The following BBS1 variants were observed in gnomAD, a reference collection of about 807,000 sequenced individuals.
BBS1 encodes BBSome complex member BBS1.
Under a neutral mutation model 73.9 loss-of-function variants are expected in BBS1, and 60 were observed. The observed-to-expected ratio is 0.81, with a 90% CI of 0.66 to 1.01. The LOEUF is 1.01. Ranked by LOEUF, BBS1 falls within the 50% of genes least tolerant of loss-of-function variation. BBS1 has a pLI of 0.00. For synonymous variants in BBS1, 283 were observed against 317.4 expected (o/e 0.89, Z 1.15); for missense variants, 718 against 770.3 (o/e 0.93, Z 0.80).
At position 66,514,450 on chromosome 11, in the gene BBS1, G is replaced by A. The variant is rs11553180; in HGVS notation, c.204G>A (p.Leu68=). ...GCCCTGGTGGGCAGCAGCCCCGCCTGAAGGTGCTCAAAGGACCACTGGTGA... is the reference window on the plus strand; with the variant it reads ...GCCCTGGTGGGCAGCAGCCCCGCCTAAAGGTGCTCAAAGGACCACTGGTGA... ...DLGPGGQQPR[L]KVLKGPLVMT... The change falls in exon 4 of 17, where the codon CTG becomes CTA. Residue 68 remains leucine (L), a synonymous_variant. Coordinates refer to ENST00000318312, the MANE Select transcript of BBS1 (RefSeq NM_024649.5). 1 of 1,614,172 alleles carries A rather than the reference G, an allele frequency of 6.2e-7. No individual in the cohort carries two copies. Among genetic ancestry groups the A allele is most frequent in the Non-Finnish European group, 8.5e-7 (1 of 1,180,040 alleles).
intron 7 of BBS1, 49 bp from the exon 8 acceptor site, chr11:66,519,568 G>A (rs765548860): frequency 3.1e-6 from 5 of 1,611,868 alleles, no homozygotes; most frequent in Non-Finnish European, 4.2e-6. Flanking sequence ...GAGTATCTTG[G>A]GGGTGGTGTG....
intron 7 of BBS1, among the ~76,000 whole-genome samples, chr11:66,517,941 C>T (rs1482172065): frequency 4.1e-5 from 6 of 146,054 alleles, no homozygotes; most frequent in East Asian, 2.0e-4. Flanking sequence ...ATTATACTAA[C>T]GTCACTTTTT....
chr11:66,522,605 C>T (rs1383011530), intron 9 of BBS1, among the ~76,000 whole-genome samples: 1 of 152,128 alleles, frequency 6.6e-6, no homozygotes, highest in Non-Finnish European at 1.5e-5. Flanking sequence ...CTCGGCCTCC[C>T]AAAGTGCCGG....
At chr11:66,526,052 C>A in intron 11 of BBS1, 71 bp from the exon 12 acceptor site, 2 of 1,412,590 alleles carry the variant, frequency 1.4e-6, no homozygotes, top group South Asian at 1.2e-5. Flanking sequence ...CTGGGGCCTC[C>A]CCTACCCATC....
In BBS1 at chr11:66,532,116, C is replaced by T. The variant is rs571728984; in HGVS notation, c.*79C>T. On this transcript the variant is annotated 3_prime_UTR_variant, in exon 17 of 17. Coordinates refer to ENST00000318312, the MANE Select transcript of BBS1 (RefSeq NM_024649.5). The stretch of plus-strand genomic sequence containing the variant: ...GTTTAGTGGCCCCAGGCCCACTCCT[C>T]ATGCAGCAGTGTGCTGGGGCGACAG... 6.0e-5 allele frequency: 86 copies of T among 1,429,592 alleles called. No homozygotes were observed. The highest frequency in any genetic ancestry group is 5.3e-4 in the South Asian group (42 of 79,984). The allele number at this position is 1,429,592 out of a possible 1,614,324, so 88.6% of individuals were successfully genotyped here. A position where few individuals can be genotyped will look rare whatever the true frequency, so the allele number is the denominator to read the frequency against.
rs550508776 is a variant in BBS1 at position 66,521,341 on chromosome 11, G to C, written c.795G>C (p.Ala265=). The change falls in exon 9 of 17, where the codon GCG becomes GCC. Residue 265 remains alanine (A), a synonymous_variant. Coordinates refer to ENST00000318312, the MANE Select transcript of BBS1 (RefSeq NM_024649.5). ...GQFDVEFRLA[A]ACRNGNIYIL... is the part of the protein sequence containing the mutation. ...TTGATGTTGAGTTCCGGCTTGCCGCGGCCTGCCGCAATGGAAACATCTATA... is the reference window on the plus strand; with the variant it reads ...TTGATGTTGAGTTCCGGCTTGCCGCCGCCTGCCGCAATGGAAACATCTATA... 6.2e-7 allele frequency: 1 copy of C among 1,614,186 alleles called. No homozygotes were observed. Among genetic ancestry groups the C allele is most frequent in the Admixed American group, 1.7e-5 (1 of 60,024 alleles).
chr11:66,523,792 C>G lies in BBS1; in HGVS notation c.1020C>G (p.Ser340=), dbSNP rs35209408. 8.1e-4 allele frequency: 1,311 copies of G among 1,613,526 alleles called. 10 individuals carry two copies. The African/African-American group carries it at 0.016, about 19-fold the overall frequency. ...ILTMNLLEQH[S]RGLQAVMAGL... Reference sequence around the variant, plus strand: ...CCATGAACCTCCTGGAGCAGCATTCCCGGGGCCTGCAGGCCGTCATGGCTG... The same window carrying G: ...CCATGAACCTCCTGGAGCAGCATTCGCGGGGCCTGCAGGCCGTCATGGCTG... The change falls in exon 11 of 17, where the codon TCC becomes TCG. Residue 340 remains serine (S), a synonymous_variant. Coordinates refer to ENST00000318312, the MANE Select transcript of BBS1 (RefSeq NM_024649.5).
In BBS1 at chr11:66,519,766, C is replaced by G; in HGVS notation, c.723+18C>G. On this transcript the variant is annotated intron_variant, in intron 8 of 16. Coordinates refer to ENST00000318312, the MANE Select transcript of BBS1 (RefSeq NM_024649.5). The stretch of plus-strand genomic sequence containing the variant: ...TAGCCAAGGTCAGCGTCAGGTCTGG[C>G]CCTGGGCCCGCTGGAGGCCCAGGCT... 6.2e-7 allele frequency: 1 copy of G among 1,612,132 alleles called. No individual in the cohort carries two copies. The highest frequency in any genetic ancestry group is 1.1e-5 in the South Asian group (1 of 91,050).
At chr11:66,524,398 C>A in intron 11 of BBS1, 1 of 214,142 alleles carries the variant, frequency 4.7e-6, no homozygotes, top group Non-Finnish European at 9.5e-6. Context: ...AAGGTAACAG[C>A]CAGCCAGAGA....
chr11:66,513,467 AAGACACAGCT>A (rs1855990678), intron 3 of BBS1, among the ~76,000 whole-genome samples: 1 of 152,160 alleles, frequency 6.6e-6, no homozygotes, highest in Non-Finnish European at 1.5e-5. Flanking sequence ...TAACTTCTCT[AAGACACAGCT>A]TCCTCATTTG....
chr11:66,527,092 T>C, intron 13 of BBS1: 1 of 1,417,512 alleles, frequency 7.1e-7, no homozygotes, highest in South Asian at 1.2e-5. Flanking sequence ...AAAGTAGAAT[T>C]TTGACTGGGC....
At chr11:66,526,318 A>G in intron 12 of BBS1, 126 bp downstream of exon 12, 1 of 967,280 alleles carries the variant, frequency 1.0e-6, no homozygotes, top group Non-Finnish European at 1.6e-6. Context: ...TAAGGCCTAC[A>G]GAAGTGTCCT....
intron 7 of BBS1, among the ~76,000 whole-genome samples, chr11:66,519,317 G>C (rs1248574467): frequency 6.6e-6 from 1 of 152,130 alleles, no homozygotes; most frequent in Non-Finnish European, 1.5e-5. Flanking sequence ...GTTGCAGTGA[G>C]CCGAGATTGT....
At chr11:66,523,262 G>A (rs1206677277) in intron 9 of BBS1, 194 bp from the exon 10 acceptor site, 1 of 746,744 alleles carries the variant, frequency 1.3e-6, no homozygotes, top group Non-Finnish European at 2.3e-6. Flanking sequence ...AGTGAAGGTG[G>A]GAGGAAGACA....
rs373722674 is a variant in BBS1 at position 66,510,771 on chromosome 11, G to A, written c.47+65G>A. On this transcript the variant is annotated intron_variant, in intron 1 of 16. Coordinates refer to ENST00000318312, the MANE Select transcript of BBS1 (RefSeq NM_024649.5). Reference sequence around the variant, plus strand: ...GTAAAGAGGGTCCCTTGGTCCCCGGGCTCTGGGCTCCTGCTGTTCTCGGGC... The same window carrying A: ...GTAAAGAGGGTCCCTTGGTCCCCGGACTCTGGGCTCCTGCTGTTCTCGGGC... 45 of 1,601,496 alleles carry A rather than the reference G, an allele frequency of 2.8e-5. 1 individual carries two copies. The African/African-American group carries it at 5.1e-4, about 18-fold the overall frequency.
In BBS1 at chr11:66,529,969, G is replaced by T; in HGVS notation, c.1473+17G>T. The T allele has an allele frequency of 6.3e-7, 1 of 1,594,874 alleles. No individual in the cohort carries two copies. The highest frequency in any genetic ancestry group is 2.3e-5 in the East Asian group (1 of 44,406). On this transcript the variant is annotated intron_variant, in intron 14 of 16. Transcript: ENST00000318312. ...CACGCCGTGGTGAGCATCTGGGTGA[G>T]GGCAGAGTCAGGGCCAGAGGGGCAG... is the stretch of plus-strand genomic sequence containing the variant.
At chr11:66,513,799 G>A (rs7951189) in intron 3 of BBS1, among the ~76,000 whole-genome samples, 41,235 of 152,090 alleles carry the variant, frequency 0.27, 5,746 homozygotes, top group Middle Eastern at 0.36. Flanking sequence ...CTTTCTGGCC[G>A]GAGCACAGCA....
chr11:66,531,695 A>C lies in BBS1; in HGVS notation c.1648A>C (p.Thr550Pro). 6.2e-7 allele frequency: 1 copy of C among 1,613,974 alleles called. No homozygotes were observed. The highest frequency in any genetic ancestry group is 8.5e-7 in the Non-Finnish European group (1 of 1,179,978). ...LVPGLNYPLE[T>P]FVESLSNKGI... ...GCCAGGGCTCAACTACCCCCTGGAG[A>C]CCTTTGTGGAGAGTCTCAGTAACAA... The change falls in exon 16 of 17, where the codon ACC (threonine) becomes CCC (proline). Residue 550 changes from threonine (T) to proline (P), a missense_variant. By Grantham distance (38) the Thr-to-Pro change is conservative. Coordinates refer to ENST00000318312, the MANE Select transcript of BBS1 (RefSeq NM_024649.5).
chr11:66,529,172 A>C (rs1360795597), intron 13 of BBS1: 11 of 1,268,104 alleles, frequency 8.7e-6, no homozygotes. Context: ...CCCAGTCTGG[A>C]AGAGGAGGGA....
Sources: gnomAD v4.1 joint callset for allele counts (sites outside exome capture counted in the v4.1 genomes callset) on GRCh38, gnomAD v4.1.1 for gene constraint, MANE v1.5 for transcripts, NCBI Gene and HGNC (gene_info 2026-07-23, HGNC 2026-07-21) for gene names.